C8orf34: variants seen among roughly 807,000 people sequenced by gnomAD.
C8orf34 encodes chromosome 8 open reading frame 34.
Under a neutral mutation model 68.3 loss-of-function variants are expected in C8orf34, and 65 were observed. That is an observed-to-expected ratio of 0.95 (90% CI 0.78 to 1.17). The LOEUF is 1.17. C8orf34 is among the 50% of genes most tolerant of loss of function. C8orf34 has a pLI of 0.00. For synonymous variants in C8orf34, 244 were observed against 241.2 expected, an observed-to-expected ratio of 1.01 and a Z score of -0.11; for missense variants, 664 against 655.4, an observed-to-expected ratio of 1.01 and a Z score of -0.14.
In C8orf34 at chr8:68,551,107, T is replaced by C. The variant is rs115288530; in HGVS notation, c.1105+17958T>C. ...ATTTCTTGAAATATTACTTCTCTTT[T>C]CTCTCTTTCCTCTCTTCCTGGTATT... On this transcript the variant is annotated intron_variant, in intron 7 of 13. Transcript: ENST00000518698. Among the ~76,000 whole-genome samples, 1,390 of 152,000 alleles carry C rather than the reference T, an allele frequency of 9.1e-3. 28 individuals carry two copies. The highest frequency in any genetic ancestry group is 0.033 in the African/African-American group (1,349 of 41,506).
At chr8:68,347,580 A>G (rs540205724) in intron 1 of C8orf34, among the ~76,000 whole-genome samples, 1 of 152,152 alleles carries the variant, frequency 6.6e-6, no homozygotes, top group Non-Finnish European at 1.5e-5. Context: ...CACTCCCAAC[A>G]GTGTATAAGT....
chr8:68,700,337 T>C (rs1344308769), intron 8 of C8orf34, among the ~76,000 whole-genome samples: 1 of 152,098 alleles, frequency 6.6e-6, no homozygotes, highest in Admixed American at 6.6e-5. Flanking sequence ...GTAAGCAGGT[T>C]GCTCACCAAG....
chr8:68,522,344 A>T (rs1239255395), intron 6 of C8orf34, among the ~76,000 whole-genome samples: 1 of 152,188 alleles, frequency 6.6e-6, no homozygotes, highest in Non-Finnish European at 1.5e-5. Flanking sequence ...ATTGTTAATC[A>T]TCAGGGATAA....
At chr8:68,521,057 T>G (rs969761117) in intron 5 of C8orf34, among the ~76,000 whole-genome samples, 17 of 152,144 alleles carry the variant, frequency 1.1e-4, no homozygotes, top group African/African-American at 4.1e-4. Context: ...TTAATAAATA[T>G]TAGAGAGTGA....
At chr8:68,411,003 T>A (rs1274561288) in intron 1 of C8orf34, among the ~76,000 whole-genome samples, 1 of 152,218 alleles carries the variant, frequency 6.6e-6, no homozygotes, top group African/African-American at 2.4e-5. Flanking sequence ...GTATCAGCTC[T>A]TCTGCTCTGA....
intron 7 of C8orf34, among the ~76,000 whole-genome samples, chr8:68,594,419 G>GTATTTTA: frequency 6.6e-6 from 1 of 151,450 alleles, no homozygotes; most frequent in Admixed American, 6.6e-5. Context: ...ATATTAAATT[G>GTATTTTA]TCTTTTATCT....
intron 11 of C8orf34, among the ~76,000 whole-genome samples, chr8:68,784,633 T>C (rs190128841): frequency 7.7e-4 from 118 of 152,332 alleles, no homozygotes; most frequent in African/African-American, 2.7e-3. Context: ...ATTTGAACAT[T>C]TATTTTTATC....
intron 8 of C8orf34, among the ~76,000 whole-genome samples, chr8:68,641,413 G>C (rs1819006704): frequency 6.6e-6 from 1 of 152,180 alleles, no homozygotes; most frequent in South Asian, 2.1e-4. Context: ...AAAATCAGGG[G>C]ATGTTATCTG....
intron 8 of C8orf34, among the ~76,000 whole-genome samples, chr8:68,692,898 A>G (rs1820724820): frequency 1.3e-5 from 2 of 152,102 alleles, no homozygotes; most frequent in African/African-American, 4.8e-5. Context: ...ATTTTTACTT[A>G]GACTATAAAA....
intron 10 of C8orf34, among the ~76,000 whole-genome samples, chr8:68,731,712 T>C (rs938283208): frequency 6.6e-6 from 1 of 152,266 alleles, no homozygotes; most frequent in Non-Finnish European, 1.5e-5. Flanking sequence ...TTCTAATGGC[T>C]GTGCATTATT....
At chr8:68,706,307 G>A (rs1821163289) in intron 8 of C8orf34, among the ~76,000 whole-genome samples, 1 of 152,206 alleles carries the variant, frequency 6.6e-6, no homozygotes, top group Admixed American at 6.6e-5. Flanking sequence ...GGAAGGCAGG[G>A]AAGCAGGAGG....
chr8:68,792,078 G>A (rs1263992125), intron 12 of C8orf34: 2 of 152,126 alleles, frequency 1.3e-5, no homozygotes, highest in Non-Finnish European at 2.9e-5. Context: ...GTAAATGTAA[G>A]AACTGGGGCA....
chr8:68,709,004 G>A lies in C8orf34; in HGVS notation c.1252G>A (p.Asp418Asn), dbSNP rs770353711. The A allele has an allele frequency of 6.2e-7, 1 of 1,600,556 alleles. No homozygotes were observed. The highest frequency in any genetic ancestry group is 1.1e-5 in the South Asian group (1 of 88,132). Reference protein sequence around the residue: ...ICSRCARLQGDNLEERTEESL... With the variant: ...ICSRCARLQGNNLEERTEESL... ...TTTTTAATTATTTAGGCTTCAAGGAGACAACCTGGAAGAAAGGACAGAAGA... is the reference window on the plus strand; with the variant it reads ...TTTTTAATTATTTAGGCTTCAAGGAAACAACCTGGAAGAAAGGACAGAAGA... Residue 418 changes from aspartate to asparagine, a missense_variant, in exon 9 of 14, where the codon GAC becomes AAC. Physicochemically the swap from Asp to Asn is conservative, Grantham distance 23. Transcript: ENST00000518698.
chr8:68,713,352 C>CA (rs112161624), intron 9 of C8orf34, among the ~76,000 whole-genome samples: 15,518 of 150,680 alleles, frequency 0.1, 1,407 homozygotes, highest in African/African-American at 0.25. Context: ...ACTGAAAGAA[C>CA]AAAAAAAATA....
chr8:68,596,553 A>G (rs1045275150), intron 7 of C8orf34, among the ~76,000 whole-genome samples: 3 of 152,162 alleles, frequency 2.0e-5, no homozygotes, highest in African/African-American at 7.2e-5. Flanking sequence ...TTCTTTACTC[A>G]CAGCAACAGC....
chr8:68,604,225 G>A (rs1817787017), intron 7 of C8orf34, among the ~76,000 whole-genome samples: 1 of 151,876 alleles, frequency 6.6e-6, no homozygotes, highest in Non-Finnish European at 1.5e-5. Flanking sequence ...AAATGGAAGA[G>A]AAGAATCAAA....
chr8:68,576,267 T>TA lies in C8orf34; in HGVS notation c.1105+43125dup, dbSNP rs555872289. ...ACATTGTAATTATGTAGATGTATTTTAAAAAAATAGCAACCTTTCCCTGAG... is the reference window on the plus strand; with the variant it reads ...ACATTGTAATTATGTAGATGTATTTTAAAAAAAATAGCAACCTTTCCCTGAG... On this transcript the variant is annotated intron_variant, in intron 7 of 13. Coordinates refer to ENST00000518698, the MANE Select transcript of C8orf34 (RefSeq NM_052958.4). Among the ~76,000 whole-genome samples the TA allele has an allele frequency of 8.6e-4, 127 of 148,488 alleles. 1 individual carries two copies. Among genetic ancestry groups the TA allele is most frequent in the African/African-American group, 3.2e-3 (121 of 38,186 alleles).
intron 8 of C8orf34, among the ~76,000 whole-genome samples, chr8:68,643,042 G>A (rs1436004978): frequency 6.6e-6 from 1 of 152,134 alleles, no homozygotes; most frequent in Non-Finnish European, 1.5e-5. Context: ...GTTCCTAACA[G>A]GCCACAGACC....
intron 8 of C8orf34, among the ~76,000 whole-genome samples, chr8:68,680,906 A>G (rs895901883): frequency 2.6e-5 from 4 of 152,072 alleles, no homozygotes; most frequent in South Asian, 2.1e-4. Flanking sequence ...ATGGCATAAG[A>G]CAGACACTCC....
Sources: allele counts gnomAD v4.1 joint callset (sites outside exome capture counted in the v4.1 genomes callset), GRCh38; gene constraint gnomAD v4.1.1; transcripts MANE v1.5; gene names NCBI Gene and HGNC (gene_info 2026-07-23, HGNC 2026-07-21).